Variants in FAM20B observed in about 807,000 individuals in gnomAD.
FAM20B encodes glycosaminoglycan xylosylkinase.
FAM20B carries 23 observed loss-of-function variants against 43.8 expected under a neutral mutation model. The ratio of observed to expected loss-of-function variants is 0.53; its 90% CI spans 0.38 to 0.74. The LOEUF (loss-of-function observed/expected upper bound fraction) is 0.74. Ranked by LOEUF, FAM20B falls within the 30% of genes least tolerant of loss-of-function variation. FAM20B has a pLI of 0.00. For missense variants in FAM20B, 440 were observed against 510.5 expected (o/e 0.86, Z 1.33); for synonymous variants, 178 against 192.4 (o/e 0.93, Z 0.62).
intron 4 of FAM20B, among the ~76,000 whole-genome samples, chr1:179,057,722 G>A (rs923335644): frequency 6.6e-6 from 1 of 152,012 alleles, no homozygotes; most frequent in African/African-American, 2.4e-5. Flanking sequence ...CTGTTTGACA[G>A]GTACTGAGCT....
At chr1:179,034,421 G>C (rs1488044318) in intron 1 of FAM20B, among the ~76,000 whole-genome samples, 1 of 151,838 alleles carries the variant, frequency 6.6e-6, no homozygotes, top group East Asian at 1.9e-4. Context: ...TAATAATGGA[G>C]ACAGGGTCTC....
rs1205404969 is a variant in FAM20B at position 179,075,794 on chromosome 1, T to A, written c.*3650T>A. 1 of 152,072 alleles carries A rather than the reference T, an allele frequency of 6.6e-6. No individual in the cohort carries two copies. Among genetic ancestry groups the A allele is most frequent in the East Asian group, 1.9e-4 (1 of 5,178 alleles). The allele number at this position is 152,072 out of a possible 1,614,324, so 9.4% of individuals were successfully genotyped here. On this transcript the variant is annotated 3_prime_UTR_variant, in exon 8 of 8. Transcript: ENST00000263733. ...TCTAAAAAAAAAAAATGCTTTTGCC[T>A]TCCCTTCCCTTCCCATCCGCCATAT...
chr1:179,019,428 C>A, the FAM20B span, among the ~76,000 whole-genome samples: 2 of 149,936 alleles, frequency 1.3e-5, no homozygotes, highest in African/African-American at 4.9e-5. Flanking sequence ...AAGTGAGACC[C>A]TTTCTTTCTT....
intron 1 of FAM20B, among the ~76,000 whole-genome samples, chr1:179,040,163 C>A (rs891407667): frequency 6.6e-6 from 1 of 152,360 alleles, no homozygotes; most frequent in African/African-American, 2.4e-5. Flanking sequence ...CCATCCGACT[C>A]CTCAATCCTT....
chr1:179,039,568 G>A lies in FAM20B; in HGVS notation c.-133-4147G>A, dbSNP rs142145446. Among the ~76,000 whole-genome samples the A allele has an allele frequency of 2.0e-5, 3 of 152,202 alleles. No individual in the cohort carries two copies. The East Asian group carries it at 5.8e-4, about 29-fold the overall frequency. On this transcript the variant is annotated intron_variant, in intron 1 of 7. Coordinates refer to ENST00000263733, the MANE Select transcript of FAM20B (RefSeq NM_014864.4). ...CAGTTTTGATTATCCATGGTTTGCA[G>A]GTATTTTAATTTTGAAAAATAATTG...
chr1:179,017,902 A>G, the FAM20B span, among the ~76,000 whole-genome samples: 1 of 152,256 alleles, frequency 6.6e-6, no homozygotes, highest in East Asian at 1.9e-4. Context: ...TTCATATATC[A>G]GAGCCAAAAT....
At chr1:179,071,862 G>A (rs561162986) in intron 7 of FAM20B, 51 bp from the exon 8 acceptor site, 22 of 1,302,318 alleles carry the variant, frequency 1.7e-5, no homozygotes, top group South Asian at 6.2e-5. Context: ...TTTCAACTCC[G>A]TTTGATAATG....
At chr1:179,057,455 T>C (rs1459431955) in intron 4 of FAM20B, among the ~76,000 whole-genome samples, 1 of 152,214 alleles carries the variant, frequency 6.6e-6, no homozygotes, top group African/African-American at 2.4e-5. Context: ...ATAACTAAAA[T>C]CTGTGTAGCC....
intron 6 of FAM20B, among the ~76,000 whole-genome samples, chr1:179,064,774 A>G (rs1651620967): frequency 6.6e-6 from 1 of 152,196 alleles, no homozygotes; most frequent in Non-Finnish European, 1.5e-5. Context: ...GTTACTACCT[A>G]CATCGTTCTT....
chr1:179,069,541 T>G (rs1651828189), intron 7 of FAM20B, among the ~76,000 whole-genome samples: 1 of 152,068 alleles, frequency 6.6e-6, no homozygotes, highest in African/African-American at 2.4e-5. Context: ...CAGCTAATTT[T>G]TTGTATTTTT....
chr1:179,036,780 G>C (rs1650246411), intron 1 of FAM20B, among the ~76,000 whole-genome samples: 1 of 152,056 alleles, frequency 6.6e-6, no homozygotes. Context: ...TATTATACAA[G>C]GCCGAATGTA....
In FAM20B at chr1:179,062,693, A is replaced by G. The variant is rs551582756; in HGVS notation, c.575-1234A>G. Among the ~76,000 whole-genome samples the G allele has an allele frequency of 2.6e-5, 4 of 152,184 alleles. No individual in the cohort carries two copies. The South Asian group carries it at 6.2e-4, about 24-fold the overall frequency. ...AACAAACAAAAAAAAACACCCATCA[A>G]TTCAAACTAGTATTTCCAATTCTAA... is the stretch of plus-strand genomic sequence containing the variant. On this transcript the variant is annotated intron_variant, in intron 4 of 7. Coordinates refer to ENST00000263733, the MANE Select transcript of FAM20B (RefSeq NM_014864.4).
chr1:179,061,841 C>T (rs1035861801), intron 4 of FAM20B, among the ~76,000 whole-genome samples: 1 of 152,082 alleles, frequency 6.6e-6, no homozygotes, highest in Non-Finnish European at 1.5e-5. Context: ...CTATGAGCTA[C>T]AATTTATGAC....
At chr1:179,065,447 A>G (rs558721413) in intron 6 of FAM20B, among the ~76,000 whole-genome samples, 5 of 152,172 alleles carry the variant, frequency 3.3e-5, no homozygotes, top group Non-Finnish European at 5.9e-5. Context: ...GCATTTAATA[A>G]ATATTTACTA....
intron 1 of FAM20B, among the ~76,000 whole-genome samples, chr1:179,029,897 G>A (rs1296902404): frequency 6.6e-6 from 1 of 152,126 alleles, no homozygotes. Flanking sequence ...ATTATTACTA[G>A]CATACTGGCA....
At chr1:179,029,418 G>T (rs1313064367) in intron 1 of FAM20B, among the ~76,000 whole-genome samples, 1 of 152,222 alleles carries the variant, frequency 6.6e-6, no homozygotes, top group Non-Finnish European at 1.5e-5. Context: ...GCCTAGAAGA[G>T]AAAATAATGC....
chr1:179,038,034 C>T (rs1033721051), intron 1 of FAM20B, among the ~76,000 whole-genome samples: 3 of 152,104 alleles, frequency 2.0e-5, no homozygotes, highest in African/African-American at 7.2e-5. Context: ...AACCTTTGTG[C>T]AAAATGTTTG....
intron 1 of FAM20B, among the ~76,000 whole-genome samples, chr1:179,030,513 A>G (rs1351985100): frequency 6.6e-6 from 1 of 152,244 alleles, no homozygotes; most frequent in East Asian, 1.9e-4. Context: ...TGGCAATAGC[A>G]GTGGCCTTGA....
chr1:179,050,332 A>G lies in FAM20B; in HGVS notation c.431A>G (p.His144Arg), dbSNP rs1650953876. 6.2e-7 allele frequency: 1 copy of G among 1,614,038 alleles called. No individual in the cohort carries two copies. Among genetic ancestry groups the G allele is most frequent in the Non-Finnish European group, 8.5e-7 (1 of 1,179,882 alleles). The stretch of plus-strand genomic sequence containing the variant: ...GAACCGTATGCTGGTTATGATAGAC[A>G]CAATGCAGAGGTAGCAGCCTTTCAC... Reference protein sequence around the residue: ...EGEPYAGYDRHNAEVAAFHLD... With the variant: ...EGEPYAGYDRRNAEVAAFHLD... The change falls in exon 3 of 8, where the codon CAC (histidine) becomes CGC (arginine). Residue 144 changes from histidine (H) to arginine (R), a missense_variant. Coordinates refer to ENST00000263733, the MANE Select transcript of FAM20B (RefSeq NM_014864.4).
Sources: allele counts gnomAD v4.1 joint callset (sites outside exome capture counted in the v4.1 genomes callset), GRCh38; gene constraint gnomAD v4.1.1; transcripts MANE v1.5; gene names NCBI Gene and HGNC (gene_info 2026-07-23, HGNC 2026-07-21).